The following FKBP15 variants were observed in gnomAD, a reference collection of about 807,000 sequenced individuals.
FKBP15 encodes FK506-binding protein 15.
Under a neutral mutation model 158.1 loss-of-function variants are expected in FKBP15, and 106 were observed. That is an observed-to-expected ratio of 0.67 (90% CI 0.57 to 0.79). The LOEUF is 0.79. Ranked by LOEUF, FKBP15 falls within the 30% of genes least tolerant of loss-of-function variation. FKBP15 has a pLI of 0.00. For missense variants in FKBP15, 1,287 were observed against 1,479.1 expected, an observed-to-expected ratio of 0.87 and a Z score of 2.13; for synonymous variants, 547 against 548.6, an observed-to-expected ratio of 1.00 and a Z score of 0.04.
At chr9:113,196,261 T>C (rs1830680189) in intron 9 of FKBP15, among the ~76,000 whole-genome samples, 1 of 152,156 alleles carries the variant, frequency 6.6e-6, no homozygotes, top group Non-Finnish European at 1.5e-5. Flanking sequence ...CTTTGCATAC[T>C]TATGTAAAGA....
At position 113,195,873 on chromosome 9, in the gene FKBP15, T is replaced by C. The variant is rs114841366; in HGVS notation, c.864+1059A>G. Among the ~76,000 whole-genome samples, 136 of 152,274 alleles carry C rather than the reference T, an allele frequency of 8.9e-4. 1 individual carries two copies. The highest frequency in any genetic ancestry group is 3.2e-3 in the African/African-American group (131 of 41,556). On this transcript the variant is annotated intron_variant, in intron 9 of 27. Coordinates refer to ENST00000238256, the MANE Select transcript of FKBP15 (RefSeq NM_015258.2). ...AAAAAGTAAAACTTTCTGAACTCCA[T>C]TTCCATTCTACAGAAAAAAAATCAC...
rs781568788 is a variant in FKBP15, at chr9:113,193,509, G to C, written c.1048C>G (p.Gln350Glu). The change falls in exon 11 of 28, where the codon CAA becomes GAA. Residue 350 changes from glutamine (Q) to glutamate (E), a missense_variant. Coordinates refer to ENST00000238256, the MANE Select transcript of FKBP15 (RefSeq NM_015258.2). ...ATACTTACTGTATTTATTGCAAGTT[G>C]TTCACTGAGGGAGTTAGATTTGGTA... ...LRTKSNSLSE[Q>E]LAINTSPDAV... 3.1e-6 allele frequency: 5 copies of C among 1,597,720 alleles called. No homozygotes were observed. The highest frequency in any genetic ancestry group is 4.3e-6 in the Non-Finnish European group (5 of 1,171,442).
chr9:113,187,568 AC>A, intron 14 of FKBP15: 1 of 539,798 alleles, frequency 1.9e-6, no homozygotes, highest in Admixed American at 3.3e-5. Flanking sequence ...ACTACGTTGT[AC>A]TAGGGGCTCT....
Position 113,165,918 on chromosome 9 carries a change from G to A in FKBP15, c.*160C>T. The A allele has an allele frequency of 1.7e-6, 1 of 575,698 alleles. No homozygotes were observed. The highest frequency in any genetic ancestry group is 3.1e-6 in the Non-Finnish European group (1 of 323,912). 35.7% of individuals were successfully genotyped at this position (575,698 alleles called of 1,614,324 possible). A position where few individuals can be genotyped will look rare whatever the true frequency, so the allele number is the denominator to read the frequency against. On this transcript the variant is annotated 3_prime_UTR_variant, in exon 28 of 28. Coordinates refer to ENST00000238256, the MANE Select transcript of FKBP15 (RefSeq NM_015258.2). The stretch of plus-strand genomic sequence containing the variant: ...CTCTTCACCAGGTCTGGCGGGGGTG[G>A]GGCTCAGAAGGTGGCCAACCCACCC...
intron 19 of FKBP15, among the ~76,000 whole-genome samples, chr9:113,180,104 G>A (rs1830366879): frequency 6.6e-6 from 1 of 152,118 alleles, no homozygotes. Flanking sequence ...AACACTGGAA[G>A]GGACAAATTC....
intron 1 of FKBP15, among the ~76,000 whole-genome samples, chr9:113,217,285 T>C (rs1831158993): frequency 6.9e-6 from 1 of 145,920 alleles, no homozygotes; most frequent in African/African-American, 2.6e-5. Flanking sequence ...CGACCTTGGC[T>C]CACTGCAACC....
intron 1 of FKBP15, among the ~76,000 whole-genome samples, chr9:113,212,751 C>T (rs1000063211): frequency 6.6e-6 from 1 of 152,174 alleles, no homozygotes; most frequent in Non-Finnish European, 1.5e-5. Flanking sequence ...GTCCATGTCT[C>T]CAGGGCTTCA....
Position 113,162,101 on chromosome 9 carries a change from C to A in FKBP15, c.*3977G>T. The A allele has an allele frequency of 2.9e-6, 1 of 339,986 alleles. No homozygotes were observed. The highest frequency in any genetic ancestry group is 5.6e-6 in the Non-Finnish European group (1 of 178,758). 21.1% of individuals were successfully genotyped at this position (339,986 alleles called of 1,614,324 possible). On this transcript the variant is annotated 3_prime_UTR_variant, in exon 28 of 28. Coordinates refer to ENST00000238256, the MANE Select transcript of FKBP15 (RefSeq NM_015258.2). ...CACTTGGTGGGAGGAGGATGACAAG[C>A]TCTCCTCTCCTCCCTTCCCACTCGA...
rs35913692 is a variant in FKBP15 at position 113,163,668 on chromosome 9, C to CTGATTGAT, written c.*2409_*2410insATCAATCA. Reference sequence around the variant, plus strand: ...TGCTTTCAGGCTCCTGGTTTATTCTCTGATAGACTGAGCTCCTTCCACCAG... The same window carrying CTGATTGAT: ...TGCTTTCAGGCTCCTGGTTTATTCTCTGATTGATTGATAGACTGAGCTCCTTCCACCAG... On this transcript the variant is annotated 3_prime_UTR_variant, in exon 28 of 28. Transcript: ENST00000238256. The CTGATTGAT allele has an allele frequency of 1.3e-5, 2 of 152,092 alleles. No homozygotes were observed. The highest frequency in any genetic ancestry group is 2.1e-4 in the South Asian group (1 of 4,826). 9.4% of individuals were successfully genotyped at this position (152,092 alleles called of 1,614,324 possible).
rs1830093339 is a variant in FKBP15, at chr9:113,166,052, A to T, written c.*26T>A. On this transcript the variant is annotated 3_prime_UTR_variant, in exon 28 of 28. Transcript: ENST00000238256. ...CATGCTTAGGGAAGGGTTGCAGAGA[A>T]ACCTTTGCACCAGTTTCCTGGGTCT... is the stretch of plus-strand genomic sequence containing the variant. 9.3e-6 allele frequency: 15 copies of T among 1,605,472 alleles called. No homozygotes were observed. Among genetic ancestry groups the T allele is most frequent in the Non-Finnish European group, 1.3e-5 (15 of 1,174,912 alleles).
At chr9:113,209,260 C>G (rs1251940396) in intron 2 of FKBP15, among the ~76,000 whole-genome samples, 2 of 152,064 alleles carry the variant, frequency 1.3e-5, no homozygotes, top group Non-Finnish European at 2.9e-5. Flanking sequence ...CCAGCCTGGG[C>G]AGCAAAGCAA....
In FKBP15 at chr9:113,162,065, G is replaced by A. The variant is rs1054200880; in HGVS notation, c.*4013C>T. 2.8e-5 allele frequency: 10 copies of A among 361,628 alleles called. No homozygotes were observed. Among genetic ancestry groups the A allele is most frequent in the Non-Finnish European group, 5.2e-5 (10 of 190,958 alleles). The allele number at this position is 361,628 out of a possible 1,614,324, so 22.4% of individuals were successfully genotyped here. ...GGAGGGGATCTGCAGCTGTCCTGAA[G>A]CAATGTATCCCACTTGGTGGGAGGA... is the stretch of plus-strand genomic sequence containing the variant. On this transcript the variant is annotated 3_prime_UTR_variant, in exon 28 of 28. Transcript: ENST00000238256.
rs891160201 is a variant in FKBP15, at chr9:113,168,483, C to T, written c.3559G>A (p.Glu1187Lys). Residue 1187 changes from glutamate (E) to lysine (K), a missense_variant, in exon 27 of 28, where the codon GAG becomes AAG. Coordinates refer to ENST00000238256, the MANE Select transcript of FKBP15 (RefSeq NM_015258.2). Reference protein sequence around the residue: ...LKALRPKAQPEEEDEDEVSMK... With the variant: ...LKALRPKAQPKEEDEDEVSMK... ...ACCACCTCGTCTTCATCCTCCTCCT[C>T]AGGCTGTGCTTTGGGCCTCAGAGCT... 1.9e-5 allele frequency: 30 copies of T among 1,614,000 alleles called. No homozygotes were observed. The highest frequency in any genetic ancestry group is 3.3e-5 in the Admixed American group (2 of 60,032).
rs1184608827 is a variant in FKBP15 at position 113,168,499 on chromosome 9, C to T, written c.3543G>A (p.Arg1181=). 2 of 1,613,990 alleles carry T rather than the reference C, an allele frequency of 1.2e-6. No individual in the cohort carries two copies. Among genetic ancestry groups the T allele is most frequent in the Non-Finnish European group, 1.7e-6 (2 of 1,179,862 alleles). ...LFKGATLKAL[R]PKAQPEEEDE... is the part of the protein sequence containing the mutation. ...CCTCCTCCTCAGGCTGTGCTTTGGG[C>T]CTCAGAGCTTTCAGAGTTGCCCCTT... Residue 1181 remains arginine, a synonymous_variant, in exon 27 of 28, where the codon AGG becomes AGA. Coordinates refer to ENST00000238256, the MANE Select transcript of FKBP15 (RefSeq NM_015258.2).
intron 12 of FKBP15, chr9:113,188,697 A>G: frequency 1.9e-6 from 1 of 527,680 alleles, no homozygotes; most frequent in Non-Finnish European, 3.4e-6. Context: ...CCTTCTCCCT[A>G]TAATCATATT....
chr9:113,215,898 G>A (rs958086547), intron 1 of FKBP15, among the ~76,000 whole-genome samples: 1 of 151,196 alleles, frequency 6.6e-6, no homozygotes, highest in South Asian at 2.1e-4. Flanking sequence ...TGATCCACCC[G>A]CCTCAGCCTC....
intron 1 of FKBP15, among the ~76,000 whole-genome samples, chr9:113,216,318 G>A (rs1337841121): frequency 6.6e-6 from 1 of 152,116 alleles, no homozygotes; most frequent in Non-Finnish European, 1.5e-5. Flanking sequence ...TATGTATAGA[G>A]AAATATGCAC....
intron 26 of FKBP15, among the ~76,000 whole-genome samples, chr9:113,168,991 T>TGCCCGCCACACTACCACAGG (rs1554713787): frequency 0.016 from 2,406 of 145,842 alleles, 82 homozygotes; most frequent in African/African-American, 0.058. Context: ...ACTACCACAG[T>TGCCCGCCACACTACCACAGG]GCCCGCCACA....
Position 113,190,473 on chromosome 9 carries a change from C to T in FKBP15, c.1171G>A (p.Glu391Lys), listed in dbSNP as rs376172887. ...PQLDSNDSEI[E>K]DVNTLQGGGQ... ...CTAATACAGCCAGGGGGACATACTTCGATTTCTGAATCATTGGAATCCAGC... is the reference window on the plus strand; with the variant it reads ...CTAATACAGCCAGGGGGACATACTTTGATTTCTGAATCATTGGAATCCAGC... Residue 391 changes from glutamate to lysine, a missense_variant and splice_region_variant, in exon 12 of 28, where the codon GAA (glutamate) becomes AAA (lysine). By Grantham distance (56) the Glu-to-Lys change is moderately conservative. Transcript: ENST00000238256. 1.5e-4 allele frequency: 235 copies of T among 1,606,304 alleles called. 1 individual carries two copies. The Middle Eastern group carries it at 1.7e-3, about 11-fold the overall frequency.
Sources: allele counts gnomAD v4.1 joint callset (sites outside exome capture counted in the v4.1 genomes callset), GRCh38; gene constraint gnomAD v4.1.1; transcripts MANE v1.5; gene names NCBI Gene and HGNC (gene_info 2026-07-23, HGNC 2026-07-21).